Variants in CUL5 observed in about 807,000 individuals in gnomAD.
CUL5 encodes cullin 5.
CUL5 carries 26 observed loss-of-function variants against 108.8 expected under a neutral mutation model. The observed-to-expected ratio is 0.24, with a 90% CI of 0.18 to 0.33. The LOEUF is 0.33. Among genes scored for constraint, CUL5 ranks in the 10% least tolerant of loss-of-function variants. CUL5 has a pLI of 1.00. For missense variants in CUL5, 524 were observed against 909.2 expected (o/e 0.58, Z 5.45); for synonymous variants, 334 against 298.0 (o/e 1.12, Z -1.25).
chr11:108,078,996 CTG>C (rs1335416279), intron 11 of CUL5, among the ~76,000 whole-genome samples: 1 of 152,122 alleles, frequency 6.6e-6, no homozygotes, highest in Admixed American at 6.6e-5. Flanking sequence ...CTTTTATAAA[CTG>C]TGAAATATGT....
chr11:108,026,531 C>T (rs1341550796), intron 1 of CUL5, among the ~76,000 whole-genome samples: 1 of 152,172 alleles, frequency 6.6e-6, no homozygotes, highest in African/African-American at 2.4e-5. Flanking sequence ...GCCTTCTCCT[C>T]TTAGCCTGTA....
intron 11 of CUL5, among the ~76,000 whole-genome samples, chr11:108,083,480 T>G (rs1294892453): frequency 6.6e-6 from 1 of 152,238 alleles, no homozygotes; most frequent in African/African-American, 2.4e-5. Flanking sequence ...GTCCTACTTT[T>G]AGCTCCACAT....
intron 11 of CUL5, among the ~76,000 whole-genome samples, chr11:108,080,435 C>G (rs910519814): frequency 2.6e-5 from 4 of 151,776 alleles, no homozygotes; most frequent in Admixed American, 2.6e-4. Context: ...CTTGCTCTAT[C>G]TCCAGGCTGG....
intron 8 of CUL5, 43 bp from the exon 9 acceptor site, chr11:108,072,289 C>G: frequency 6.8e-7 from 1 of 1,479,504 alleles, no homozygotes; most frequent in Non-Finnish European, 9.2e-7. Flanking sequence ...AACTCTTACT[C>G]TAGTAAATGA....
At position 108,072,590 on chromosome 11, in the gene CUL5, G is replaced by A. The variant is rs562642897; in HGVS notation, c.1005+128G>A. ...GGAGCAGAAGAGGTTGGTTAGTGGGGTATAAAGTTATAGTTCAATAGGAAG... is the reference window on the plus strand; with the variant it reads ...GGAGCAGAAGAGGTTGGTTAGTGGGATATAAAGTTATAGTTCAATAGGAAG... On this transcript the variant is annotated intron_variant, in intron 9 of 18. Transcript: ENST00000393094. 23 of 643,820 alleles carry A rather than the reference G, an allele frequency of 3.6e-5. No individual in the cohort carries two copies. In the East Asian group the frequency reaches 6.3e-4, roughly 18 times the overall value. 39.9% of individuals were successfully genotyped at this position (643,820 alleles called of 1,614,324 possible).
chr11:108,040,691 A>C (rs1215853599), intron 2 of CUL5, among the ~76,000 whole-genome samples: 1 of 151,846 alleles, frequency 6.6e-6, no homozygotes, highest in Non-Finnish European at 1.5e-5. Context: ...AGGCTGAGGC[A>C]GAAAGATCCT....
Position 108,054,705 on chromosome 11 carries a change from G to A in CUL5, c.612G>A (p.Lys204=), listed in dbSNP as rs567468310. ...KLQIYRDNFE[K]AYLDSTERFY... Reference sequence around the variant, plus strand: ...AAATTTATAGGGACAATTTTGAGAAGGCATACTTGGATTCAACAGAGAGAT... The same window carrying A: ...AAATTTATAGGGACAATTTTGAGAAAGCATACTTGGATTCAACAGAGAGAT... Residue 204 remains lysine, a synonymous_variant, in exon 6 of 19, where the codon AAG becomes AAA. Transcript: ENST00000393094. 5.0e-6 allele frequency: 8 copies of A among 1,608,936 alleles called. No homozygotes were observed. The South Asian group carries it at 8.8e-5, about 18-fold the overall frequency.
chr11:108,039,709 C>T (rs1565241049), intron 2 of CUL5, among the ~76,000 whole-genome samples: 1 of 152,120 alleles, frequency 6.6e-6, no homozygotes, highest in Non-Finnish European at 1.5e-5. Context: ...TAAATGGAAT[C>T]GTATAGTATT....
intron 1 of CUL5, among the ~76,000 whole-genome samples, chr11:108,021,143 T>A (rs1054431199): frequency 1.3e-5 from 2 of 152,220 alleles, no homozygotes; most frequent in African/African-American, 4.8e-5. Flanking sequence ...CCATTAGATT[T>A]GTGTAAGTAC....
At chr11:108,069,528 A>C (rs1863770221) in intron 7 of CUL5, among the ~76,000 whole-genome samples, 1 of 152,116 alleles carries the variant, frequency 6.6e-6, no homozygotes, top group South Asian at 2.1e-4. Context: ...CCTAGAAAAA[A>C]GTAGTTTCTA....
Position 108,106,111 on chromosome 11 carries a change from G to C in CUL5, c.*1727G>C, listed in dbSNP as rs757583690. The C allele has an allele frequency of 1.3e-5, 2 of 152,176 alleles. No homozygotes were observed. The highest frequency in any genetic ancestry group is 1.5e-5 in the Non-Finnish European group (1 of 67,976). The allele number at this position is 152,176 out of a possible 1,614,324, so 9.4% of individuals were successfully genotyped here. On this transcript the variant is annotated 3_prime_UTR_variant, in exon 19 of 19. Coordinates refer to ENST00000393094, the MANE Select transcript of CUL5 (RefSeq NM_003478.6). ...TGAAGAATTAAACTAAAATTAATACGTACAGTTTTCTCTAATTAGGTGACT... is the reference window on the plus strand; with the variant it reads ...TGAAGAATTAAACTAAAATTAATACCTACAGTTTTCTCTAATTAGGTGACT...
At chr11:108,062,907 G>A (rs1224642996) in intron 7 of CUL5, among the ~76,000 whole-genome samples, 6 of 152,046 alleles carry the variant, frequency 3.9e-5, no homozygotes, top group Non-Finnish European at 7.4e-5. Context: ...GTGCTGTGGC[G>A]GGATCTCAGC....
At position 108,104,238 on chromosome 11, in the gene CUL5, C is replaced by A; in HGVS notation, c.2197C>A (p.Gln733Lys). The change falls in exon 19 of 19, where the codon CAG becomes AAG. Residue 733 changes from glutamine to lysine, a missense_variant. By Grantham distance (53) the Gln-to-Lys change is moderately conservative. Coordinates refer to ENST00000393094, the MANE Select transcript of CUL5 (RefSeq NM_003478.6). ...MKMRKKISNA[Q>K]LQTELVEILK... is the part of the protein sequence containing the mutation. The stretch of plus-strand genomic sequence containing the variant: ...AATGAGAAAGAAAATTAGTAATGCT[C>A]AGCTGCAGACTGAATTAGTAGAAAT... 1.3e-6 allele frequency: 2 copies of A among 1,596,614 alleles called. No individual in the cohort carries two copies. The highest frequency in any genetic ancestry group is 1.7e-6 in the Non-Finnish European group (2 of 1,174,716).
rs1181418256 is a variant in CUL5 at position 108,009,130 on chromosome 11, C to A, written c.-219C>A. ...CTGAGCGCGTGCATGAGGTCTTTCG[C>A]GTGGGGAAGCTCCGGTGACCATGTA... On this transcript the variant is annotated 5_prime_UTR_variant, in exon 1 of 19. Transcript: ENST00000393094. 5 of 592,518 alleles carry A rather than the reference C, an allele frequency of 8.4e-6. No individual in the cohort carries two copies. In the East Asian group the frequency reaches 1.4e-4, roughly 17 times the overall value. 36.7% of individuals were successfully genotyped at this position (592,518 alleles called of 1,614,324 possible). A position where few individuals can be genotyped will look rare whatever the true frequency, so the allele number is the denominator to read the frequency against.
chr11:108,041,883 C>T (rs1862927159), intron 2 of CUL5, among the ~76,000 whole-genome samples: 3 of 152,168 alleles, frequency 2.0e-5, no homozygotes, highest in Admixed American at 6.5e-5. Context: ...TGAACCACCG[C>T]ACCAGGCCCC....
At chr11:108,058,840 T>G (rs1485672841) in intron 7 of CUL5, among the ~76,000 whole-genome samples, 1 of 152,152 alleles carries the variant, frequency 6.6e-6, no homozygotes, top group African/African-American at 2.4e-5. Context: ...CTAATAAGCT[T>G]GATTATCACT....
chr11:108,079,775 G>A (rs1864027806), intron 11 of CUL5, among the ~76,000 whole-genome samples: 3 of 152,256 alleles, frequency 2.0e-5, no homozygotes, highest in East Asian at 1.9e-4. Flanking sequence ...GGCATCTGCT[G>A]TCCTGATTAA....
At chr11:108,064,792 T>C (rs1380915796) in intron 7 of CUL5, among the ~76,000 whole-genome samples, 1 of 152,178 alleles carries the variant, frequency 6.6e-6, no homozygotes, top group Non-Finnish European at 1.5e-5. Context: ...ATCAGTGATA[T>C]TGGCCTGTAG....
At chr11:108,045,011 C>T (rs539829504) in intron 2 of CUL5, among the ~76,000 whole-genome samples, 56 of 152,240 alleles carry the variant, frequency 3.7e-4, no homozygotes, top group African/African-American at 1.2e-3. Flanking sequence ...GATCTGCCCA[C>T]CTCAGCCTCC....
Sources: gnomAD v4.1 joint callset for allele counts (sites outside exome capture counted in the v4.1 genomes callset) on GRCh38, gnomAD v4.1.1 for gene constraint, MANE v1.5 for transcripts, NCBI Gene and HGNC (gene_info 2026-07-23, HGNC 2026-07-21) for gene names.